The following MLLT10 variants were observed in gnomAD, a reference collection of about 807,000 sequenced individuals.
The protein encoded by MLLT10 is MLLT10 histone lysine methyltransferase DOT1L cofactor.
Under a neutral mutation model 129.1 loss-of-function variants are expected in MLLT10, and 30 were observed. That is an observed-to-expected ratio of 0.23 (90% CI 0.17 to 0.32). The LOEUF is 0.32. Among genes scored for constraint, MLLT10 ranks in the 10% least tolerant of loss-of-function variants. The pLI, the probability that MLLT10 is intolerant of heterozygous loss-of-function variation, is 1.00. For missense variants in MLLT10, 1,119 were observed against 1,268.3 expected, an observed-to-expected ratio of 0.88 and a Z score of 1.79; for synonymous variants, 490 against 446.4, an observed-to-expected ratio of 1.10 and a Z score of -1.23.
intron 14 of MLLT10, among the ~76,000 whole-genome samples, chr10:21,717,299 A>G (rs1277131589): frequency 6.8e-6 from 1 of 146,886 alleles, no homozygotes; most frequent in Non-Finnish European, 1.5e-5. Context: ...AAAGTGGTCA[A>G]GGAGATAAGA....
chr10:21,720,019 A>T (rs1441976582), intron 14 of MLLT10, among the ~76,000 whole-genome samples: 2 of 152,142 alleles, frequency 1.3e-5, no homozygotes, highest in African/African-American at 2.4e-5. Flanking sequence ...TCCTACAGTA[A>T]TTTTTTCCCA....
chr10:21,602,998 C>T (rs1430745452), intron 5 of MLLT10, among the ~76,000 whole-genome samples: 3 of 152,040 alleles, frequency 2.0e-5, no homozygotes, highest in Admixed American at 6.6e-5. Flanking sequence ...TCCCAAAGTG[C>T]TGGGATTACA....
At chr10:21,572,960 A>G (rs1245933457) in intron 3 of MLLT10, among the ~76,000 whole-genome samples, 1 of 152,134 alleles carries the variant, frequency 6.6e-6, no homozygotes, top group Non-Finnish European at 1.5e-5. Flanking sequence ...ATTTTAAAAT[A>G]TTAAATACAT....
intron 14 of MLLT10, among the ~76,000 whole-genome samples, chr10:21,715,337 G>C (rs900368698): frequency 2.6e-5 from 4 of 152,176 alleles, no homozygotes; most frequent in Admixed American, 6.5e-5. Context: ...AGATGAAAGT[G>C]AACTATTTGG....
Position 21,609,090 on chromosome 10 carries a change from A to G in MLLT10, c.406-3258A>G, listed in dbSNP as rs118062500. Reference sequence around the variant, plus strand: ...TTTTTCCAATAGTATACAACCTCAGATGGCCCTGCTCTAACAAATGTAGGA... The same window carrying G: ...TTTTTCCAATAGTATACAACCTCAGGTGGCCCTGCTCTAACAAATGTAGGA... On this transcript the variant is annotated intron_variant, in intron 5 of 22. Transcript: ENST00000307729. Among the ~76,000 whole-genome samples the G allele has an allele frequency of 7.7e-3, 1,165 of 152,252 alleles. 8 individuals are homozygous for G. The highest frequency in any genetic ancestry group is 0.01 in the Non-Finnish European group (702 of 68,024).
At chr10:21,637,121 G>C (rs977149236) in intron 8 of MLLT10, among the ~76,000 whole-genome samples, 2 of 152,150 alleles carry the variant, frequency 1.3e-5, no homozygotes, top group African/African-American at 4.8e-5. Context: ...GGTGCCTGTG[G>C]GTGGAGGCTT....
At chr10:21,617,053 G>A (rs947982629) in intron 7 of MLLT10, 59 bp from the exon 8 acceptor site, 2 of 759,124 alleles carry the variant, frequency 2.6e-6, no homozygotes, top group Non-Finnish European at 3.8e-6. Context: ...CTAACAAAAA[G>A]ATTTGTTTAA....
chr10:21,643,520 A>C (rs1360128579), intron 8 of MLLT10, among the ~76,000 whole-genome samples: 1 of 152,144 alleles, frequency 6.6e-6, no homozygotes, highest in Non-Finnish European at 1.5e-5. Flanking sequence ...AATTTTATTC[A>C]CTTTTTTCAA....
chr10:21,553,300 T>C (rs2037376440), intron 3 of MLLT10, among the ~76,000 whole-genome samples: 1 of 152,128 alleles, frequency 6.6e-6, no homozygotes, highest in African/African-American at 2.4e-5. Context: ...TCAGTGTTAC[T>C]GTTAGCAAGT....
At position 21,534,394 on chromosome 10, in the gene MLLT10, T is replaced by G. The variant is rs1588718307; in HGVS notation, c.-127T>G. 3 of 290,850 alleles carry G rather than the reference T, an allele frequency of 1.0e-5. No individual in the cohort carries two copies. Among genetic ancestry groups the G allele is most frequent in the South Asian group, 5.9e-5 (1 of 16,922 alleles). The allele number at this position is 290,850 out of a possible 1,614,324, so 18.0% of individuals were successfully genotyped here. ...GCCCGCGTTAGCGGCCGGGTGGAGG[T>G]GGGGAGGGAAGACGCTGAGGAGGAG... is the stretch of plus-strand genomic sequence containing the variant. On this transcript the variant is annotated 5_prime_UTR_variant, in exon 1 of 23. Transcript: ENST00000307729.
intron 14 of MLLT10, among the ~76,000 whole-genome samples, chr10:21,717,927 TCTTCTC>T (rs1223786872): frequency 7.8e-6 from 1 of 128,744 alleles, no homozygotes; most frequent in Admixed American, 7.8e-5. Flanking sequence ...TTCTCCTTCT[TCTTCTC>T]CTTCTTTTCT....
chr10:21,636,244 TGG>T (rs2131280426), intron 8 of MLLT10, among the ~76,000 whole-genome samples: 1 of 152,086 alleles, frequency 6.6e-6, no homozygotes, highest in East Asian at 1.9e-4. Flanking sequence ...CCTCAGCCTC[TGG>T]AGTAGCTGGT....
chr10:21,548,694 A>G (rs2036495208), intron 3 of MLLT10, among the ~76,000 whole-genome samples: 1 of 151,996 alleles, frequency 6.6e-6, no homozygotes, highest in African/African-American at 2.4e-5. Context: ...TGCATTACTG[A>G]TAATATCTTT....
chr10:21,675,313 C>G (rs1211486876), intron 11 of MLLT10, among the ~76,000 whole-genome samples: 1 of 152,088 alleles, frequency 6.6e-6, no homozygotes, highest in African/African-American at 2.4e-5. Flanking sequence ...CATGTGTTAC[C>G]CTGTGTATTG....
intron 4 of MLLT10, among the ~76,000 whole-genome samples, chr10:21,590,415 C>T (rs2042386235): frequency 6.6e-6 from 1 of 151,882 alleles, no homozygotes; most frequent in South Asian, 2.1e-4. Flanking sequence ...TGTCGGCTCA[C>T]TGCAGACTTC....
chr10:21,698,732 A>G (rs186139846), intron 13 of MLLT10, among the ~76,000 whole-genome samples: 2 of 152,350 alleles, frequency 1.3e-5, no homozygotes, highest in East Asian at 1.9e-4. Context: ...CCTCAGCAAC[A>G]TCTGTCATTT....
At chr10:21,733,125 T>C (rs201889078) in intron 18 of MLLT10, 38 bp downstream of exon 18, 15 of 1,546,800 alleles carry the variant, frequency 9.7e-6, no homozygotes, top group East Asian at 2.3e-5. Context: ...CTAAGGAAAA[T>C]AGGCTTTCAG....
intron 10 of MLLT10, among the ~76,000 whole-genome samples, chr10:21,672,056 A>G (rs2051475886): frequency 6.6e-6 from 1 of 152,100 alleles, no homozygotes; most frequent in Non-Finnish European, 1.5e-5. Flanking sequence ...ATACTAGACA[A>G]TTTTTAGGGG....
intron 5 of MLLT10, among the ~76,000 whole-genome samples, chr10:21,597,215 C>G (rs1480688705): frequency 1.3e-5 from 2 of 152,048 alleles, no homozygotes; most frequent in Non-Finnish European, 2.9e-5. Context: ...AAGAAGGATA[C>G]TCTCTTGGGA....
Sources: allele counts gnomAD v4.1 joint callset (sites outside exome capture counted in the v4.1 genomes callset), GRCh38; gene constraint gnomAD v4.1.1; transcripts MANE v1.5; gene names NCBI Gene and HGNC (gene_info 2026-07-23, HGNC 2026-07-21).